DACH2: variants seen among roughly 807,000 people sequenced by gnomAD.
DACH2 encodes dachshund family transcription factor 2, also known as dachshund homolog 2.
Under a neutral mutation model 35.8 loss-of-function variants are expected in DACH2, and 17 were observed. The observed-to-expected ratio is 0.48, with a 90% confidence interval of 0.33 to 0.71. DACH2 has a LOEUF of 0.71. DACH2 is among the 30% of genes least tolerant of loss of function. The probability of loss-of-function intolerance (pLI) is 0.02; values close to 1 mark genes in which losing one functional copy is unlikely to be tolerated. For missense variants in DACH2, 469 were observed against 472.7 expected (o/e 0.99, Z 0.07); for synonymous variants, 195 against 177.3 (o/e 1.10, Z -0.79).
chrX:86,702,025 TA>T (rs2041150500), intron 5 of DACH2, among the ~76,000 whole-genome samples: 1 of 111,631 alleles, frequency 9.0e-6, no homozygotes, highest in Non-Finnish European at 1.9e-5. Context: ...AAATAAAAGT[TA>T]AAAAAGTCTC....
intron 1 of DACH2, among the ~76,000 whole-genome samples, chrX:86,276,761 C>T (rs1308590631): frequency 8.9e-6 from 1 of 112,058 alleles, no homozygotes; most frequent in African/African-American, 3.2e-5. Context: ...TTCCAATTTT[C>T]CCAGCACTCT....
chrX:86,611,795 T>A (rs778662532), intron 3 of DACH2, among the ~76,000 whole-genome samples: 14 of 111,533 alleles, frequency 1.3e-4, no homozygotes, highest in Non-Finnish European at 2.3e-4. Flanking sequence ...TATCACAGGA[T>A]GGGGCAACGG....
intron 2 of DACH2, among the ~76,000 whole-genome samples, chrX:86,397,843 A>G (rs1228216276): frequency 4.5e-5 from 5 of 111,808 alleles, no homozygotes; most frequent in Non-Finnish European, 7.5e-5. Context: ...ATATTGGTCT[A>G]AAATTCTCTT....
chrX:86,556,756 GTATATATATATATATATATATA>G (rs555576117), intron 3 of DACH2, among the ~76,000 whole-genome samples: 2 of 25,467 alleles, frequency 7.9e-5, no homozygotes, highest in African/African-American at 3.0e-4. Context: ...AATAGGATAT[GTATATATATATATATATATATA>G]TATATATATA....
intron 2 of DACH2, among the ~76,000 whole-genome samples, chrX:86,472,438 G>A (rs2037774415): frequency 9.0e-6 from 1 of 111,721 alleles, no homozygotes; most frequent in African/African-American, 3.2e-5. Flanking sequence ...AGTTAGGTTA[G>A]TAAAGCACAT....
At chrX:86,826,544 C>T (rs747714280) in intron 11 of DACH2, among the ~76,000 whole-genome samples, 2 of 111,443 alleles carry the variant, frequency 1.8e-5, no homozygotes, top group Non-Finnish European at 3.8e-5. Flanking sequence ...AGTAATCAAA[C>T]AGTGTATTAT....
intron 1 of DACH2, among the ~76,000 whole-genome samples, chrX:86,172,316 T>G (rs1177555102): frequency 8.9e-6 from 1 of 112,139 alleles, no homozygotes; most frequent in Non-Finnish European, 1.9e-5. Context: ...GGAGATCACT[T>G]AATCTCATTT....
At chrX:86,369,299 C>A (rs913481806) in intron 1 of DACH2, among the ~76,000 whole-genome samples, 2 of 110,866 alleles carry the variant, frequency 1.8e-5, no homozygotes, top group Non-Finnish European at 3.8e-5. Context: ...TTTCAAAATA[C>A]ATTTATTTAT....
At chrX:86,757,122 T>A (rs2041836980) in intron 7 of DACH2, among the ~76,000 whole-genome samples, 1 of 111,707 alleles carries the variant, frequency 9.0e-6, no homozygotes, top group Admixed American at 9.5e-5. Flanking sequence ...TTGCTAGTAT[T>A]TTGTTTAGAA....
intron 3 of DACH2, among the ~76,000 whole-genome samples, chrX:86,547,499 G>T (rs1347783987): frequency 1.1e-5 from 1 of 91,487 alleles, no homozygotes; most frequent in Non-Finnish European, 2.2e-5. Flanking sequence ...ACATTTTAGA[G>T]AAAATGAAAC....
At chrX:86,461,541 A>T (rs1286680204) in intron 2 of DACH2, among the ~76,000 whole-genome samples, 1 of 111,068 alleles carries the variant, frequency 9.0e-6, no homozygotes, top group Non-Finnish European at 1.9e-5. Context: ...AAGTGATATT[A>T]CACCTCAGAA....
intron 7 of DACH2, among the ~76,000 whole-genome samples, chrX:86,789,957 G>C (rs1394139463): frequency 1.8e-5 from 2 of 111,468 alleles, no homozygotes; most frequent in African/African-American, 6.5e-5. Context: ...ATGAATAATT[G>C]ATTTTCTCGG....
rs189408619 is a variant in DACH2 at position 86,415,948 on chromosome X, G to T, written c.527+39086G>T. On this transcript the variant is annotated intron_variant, in intron 2 of 11. Transcript: ENST00000373125. ...GAGGAAGGAAGAAAAGGTACTCATT[G>T]GTTTTATTATCTTTTTGTTCTCAAG... Among the ~76,000 whole-genome samples, 149 of 111,651 alleles carry T rather than the reference G, an allele frequency of 1.3e-3. 1 individual carries two copies. Among genetic ancestry groups the T allele is most frequent in the African/African-American group, 4.7e-3 (145 of 30,775 alleles).
chrX:86,152,905 T>C (rs1167376629), intron 1 of DACH2, among the ~76,000 whole-genome samples: 1 of 111,821 alleles, frequency 8.9e-6, no homozygotes, highest in Non-Finnish European at 1.9e-5. Flanking sequence ...AGAAAGTAAA[T>C]GTTGACAATT....
chrX:86,801,820 G>A (rs185688790), intron 7 of DACH2, among the ~76,000 whole-genome samples: 84 of 111,701 alleles, frequency 7.5e-4, no homozygotes, highest in African/African-American at 2.6e-3. Flanking sequence ...ATAATCCATA[G>A]AATTCATTCT....
At chrX:86,214,174 T>C (rs1333191747) in intron 1 of DACH2, among the ~76,000 whole-genome samples, 1 of 111,693 alleles carries the variant, frequency 9.0e-6, no homozygotes, top group Non-Finnish European at 1.9e-5. Context: ...TTCTGGTTTA[T>C]CTTTCACATT....
chrX:86,368,348 T>C (rs1461866693), intron 1 of DACH2, among the ~76,000 whole-genome samples: 2 of 111,257 alleles, frequency 1.8e-5, no homozygotes, highest in Non-Finnish European at 3.8e-5. Context: ...AAGATCTTTG[T>C]ATTCTCTTTG....
At chrX:86,437,418 C>T (rs1035432524) in intron 2 of DACH2, among the ~76,000 whole-genome samples, 54 of 111,641 alleles carry the variant, frequency 4.8e-4, no homozygotes, top group African/African-American at 1.8e-3. Flanking sequence ...CATTGACCAA[C>T]TTCTATCCAT....
chrX:86,252,492 C>A (rs181036013), intron 1 of DACH2, among the ~76,000 whole-genome samples: 92 of 111,004 alleles, frequency 8.3e-4, no homozygotes, highest in African/African-American at 2.9e-3. Flanking sequence ...AATTTAAGTT[C>A]TTGATCGATC....
Sources: allele counts gnomAD v4.1 joint callset (sites outside exome capture counted in the v4.1 genomes callset), GRCh38; gene constraint gnomAD v4.1.1; transcripts MANE v1.5; gene names NCBI Gene and HGNC (gene_info 2026-07-23, HGNC 2026-07-21).